CERS1: variants seen among roughly 807,000 people sequenced by gnomAD.
CERS1 encodes the protein Embryonic growth/differentiation factor 1.
In CERS1, 16 loss-of-function variants were observed where a neutral mutation model predicts 35.7. That is an observed-to-expected ratio of 0.45 (90% CI 0.30 to 0.68). The LOEUF is 0.68. Among genes scored for constraint, CERS1 ranks in the 30% least tolerant of loss-of-function variants. The pLI is 0.08. For missense variants in CERS1, 454 were observed against 453.9 expected, an observed-to-expected ratio of 1.00 and a Z score of 0.00; for synonymous variants, 243 against 201.6, an observed-to-expected ratio of 1.21 and a Z score of -1.74.
Position 18,893,469 on chromosome 19 carries a change from A to C in CERS1, c.356T>G (p.Leu119Arg). The C allele has an allele frequency of 6.2e-7, 1 of 1,607,378 alleles. No homozygotes were observed. The highest frequency in any genetic ancestry group is 1.3e-5 in the African/African-American group (1 of 74,966). The change falls in exon 2 of 8, where the codon CTG (leucine) becomes CGG (arginine). Residue 119 changes from leucine (L) to arginine (R), a missense_variant. Physicochemically the swap from Leu to Arg is moderately radical, Grantham distance 102. Transcript: ENST00000623882. ...YLGSWSYSAY[L>R]LFGTDYPFFH... Reference sequence around the variant, plus strand: ...GAAGGGGTAGTCGGTGCCAAACAGCAGGTAGGCACTGTAGCTCCAGCTGCC... The same window carrying C: ...GAAGGGGTAGTCGGTGCCAAACAGCCGGTAGGCACTGTAGCTCCAGCTGCC...
At position 18,896,023 on chromosome 19, in the gene CERS1, G is replaced by C; in HGVS notation, c.50C>G (p.Pro17Arg). 1.0e-6 allele frequency: 1 copy of C among 1,002,998 alleles called. No homozygotes were observed. The highest frequency in any genetic ancestry group is 1.2e-6 in the Non-Finnish European group (1 of 842,586). 62.1% of individuals were successfully genotyped at this position (1,002,998 alleles called of 1,614,324 possible). The change falls in exon 1 of 8, where the codon CCG (proline) becomes CGG (arginine). Residue 17 changes from proline (P) to arginine (R), a missense_variant. By Grantham distance (103) the Pro-to-Arg change is moderately radical. Coordinates refer to ENST00000623882, the MANE Select transcript of CERS1 (RefSeq NM_021267.5). The surrounding 1 kb of genome is among the most constrained non-coding windows in gnomAD (Gnocchi z 5.9). ...GCGCTGCACTAGCTGCGCGTAGCTC[G>C]GCATGGGCTCGGGCCCCGTCGGCCC... ...AAGPTGPEPM[P>R]SYAQLVQRGW...
At chr19:18,875,308 G>C (rs1395809988) in intron 6 of CERS1, among the ~76,000 whole-genome samples, 1 of 151,896 alleles carries the variant, frequency 6.6e-6, no homozygotes, top group Non-Finnish European at 1.5e-5. Flanking sequence ...CAATTTGGGA[G>C]GCTGAGGCAG....
Position 18,878,733 on chromosome 19 carries a change from T to A in CERS1, c.1010+197A>T. 7.2e-7 allele frequency: 1 copy of A among 1,382,570 alleles called. No homozygotes were observed. The highest frequency in any genetic ancestry group is 9.4e-7 in the Non-Finnish European group (1 of 1,065,622). The allele number at this position is 1,382,570 out of a possible 1,614,324, so 85.6% of individuals were successfully genotyped here. Reference sequence around the variant, plus strand: ...GCCCCTCCCCAGCCTCTCCCTCCCCTTCCTCACTGTCCTGTCCTTCAGGGT... The same window carrying A: ...GCCCCTCCCCAGCCTCTCCCTCCCCATCCTCACTGTCCTGTCCTTCAGGGT... On this transcript the variant is annotated intron_variant, in intron 6 of 7. Coordinates refer to ENST00000623882, the MANE Select transcript of CERS1 (RefSeq NM_021267.5). This position sits in a 1 kb window ranked among gnomAD's most constrained non-coding sequence, Gnocchi z 4.6.
intron 6 of CERS1, among the ~76,000 whole-genome samples, chr19:18,872,709 T>TATA (rs370227341): frequency 0.46 from 69,570 of 151,888 alleles, 16,137 homozygotes; most frequent in South Asian, 0.6. Flanking sequence ...AGAGATGCGG[T>TATA]TTTACCATGT....
chr19:18,872,945 G>A (rs1009766433), intron 6 of CERS1, among the ~76,000 whole-genome samples: 10 of 152,308 alleles, frequency 6.6e-5, no homozygotes, highest in East Asian at 1.9e-4. Context: ...CCACCATGCC[G>A]GGCCGAGATG....
intron 3 of CERS1, among the ~76,000 whole-genome samples, chr19:18,881,434 G>C (rs1224644402): frequency 6.6e-6 from 1 of 151,834 alleles, no homozygotes; most frequent in Non-Finnish European, 1.5e-5. Flanking sequence ...TGGTCCCGCT[G>C]ATCTCGAATT....
intron 2 of CERS1, among the ~76,000 whole-genome samples, chr19:18,886,593 C>T (rs1040430583): frequency 3.3e-5 from 5 of 152,084 alleles, no homozygotes; most frequent in African/African-American, 4.8e-5. Flanking sequence ...CAAAAAAAGG[C>T]GGGAAGCCAT....
chr19:18,875,984 G>A (rs1031271065), intron 6 of CERS1, among the ~76,000 whole-genome samples: 3 of 152,240 alleles, frequency 2.0e-5, no homozygotes, highest in Non-Finnish European at 4.4e-5. Flanking sequence ...ATAAGTTCCT[G>A]TGGTTTTAAG....
intron 2 of CERS1, among the ~76,000 whole-genome samples, chr19:18,885,217 T>A (rs1475260281): frequency 6.6e-6 from 1 of 152,120 alleles, no homozygotes; most frequent in Non-Finnish European, 1.5e-5. Context: ...TTATATATAG[T>A]TTTAGAGTTG....
At position 18,878,232 on chromosome 19, in the gene CERS1, A is replaced by G. The variant is rs1052186354; in HGVS notation, c.1010+698T>C. On this transcript the variant is annotated intron_variant, in intron 6 of 7. Coordinates refer to ENST00000623882, the MANE Select transcript of CERS1 (RefSeq NM_021267.5). This position sits in a 1 kb window ranked among gnomAD's most constrained non-coding sequence, Gnocchi z 4.6. ...TCAAACACTCCTCACGTTGCCTATG[A>G]GACACTGCACACCCGACTCTGCTTG... 1.0e-6 allele frequency: 1 copy of G among 985,446 alleles called. No individual in the cohort carries two copies. 61.0% of individuals were successfully genotyped at this position (985,446 alleles called of 1,614,324 possible).
chr19:18,876,379 G>C (rs113073123), intron 6 of CERS1, among the ~76,000 whole-genome samples: 47 of 152,156 alleles, frequency 3.1e-4, no homozygotes, highest in African/African-American at 1.0e-3. Flanking sequence ...TTGAGACAGG[G>C]TCTTGCTCTG....
intron 4 of CERS1, among the ~76,000 whole-genome samples, chr19:18,879,700 A>C (rs1223622656): frequency 0.012 from 89 of 7,426 alleles, no homozygotes; most frequent in Admixed American, 0.019. Flanking sequence ...ACCAAACCCC[A>C]CCTCCTTCCC....
Position 18,870,635 on chromosome 19 carries a change from G to C in CERS1, c.1011-16C>G. 1.8e-6 allele frequency: 1 copy of C among 556,742 alleles called. No individual in the cohort carries two copies. Among genetic ancestry groups the C allele is most frequent in the Non-Finnish European group, 3.2e-6 (1 of 307,824 alleles). 34.5% of individuals were successfully genotyped at this position (556,742 alleles called of 1,614,324 possible). ...CAGTGGCTTCCTGGGGGTCAGAACC[G>C]GCGCAGGTTAGCCTGGGAGCCCCAC... On this transcript the variant is annotated splice_polypyrimidine_tract_variant and intron_variant, in intron 6 of 7. Coordinates refer to ENST00000623882, the MANE Select transcript of CERS1 (RefSeq NM_021267.5). This position sits in a 1 kb window ranked among gnomAD's most constrained non-coding sequence, Gnocchi z 5.1.
At chr19:18,890,083 C>T (rs2056454815) in intron 2 of CERS1, among the ~76,000 whole-genome samples, 1 of 152,186 alleles carries the variant, frequency 6.6e-6, no homozygotes, top group Admixed American at 6.5e-5. Flanking sequence ...TCCCAGCCCA[C>T]AGATAAGTAA....
At chr19:18,879,459 G>A (rs985158622) in intron 4 of CERS1, 71 bp from the exon 5 acceptor site, 32 of 1,508,846 alleles carry the variant, frequency 2.1e-5, no homozygotes, top group Middle Eastern at 1.9e-4. Flanking sequence ...GTCCTATCCC[G>A]TCCTAGACCC....
intron 6 of CERS1, among the ~76,000 whole-genome samples, chr19:18,877,251 G>A (rs1028201092): frequency 5.9e-5 from 9 of 152,294 alleles, no homozygotes; most frequent in Admixed American, 1.3e-4. Flanking sequence ...CATCCTCAGC[G>A]GGGACAGAGC....
Position 18,895,902 on chromosome 19 carries a change from C to T in CERS1, c.171G>A (p.Pro57=), listed in dbSNP as rs1165273715. 10 of 1,257,842 alleles carry T rather than the reference C, an allele frequency of 8.0e-6. No individual in the cohort carries two copies. Among genetic ancestry groups the T allele is most frequent in the Non-Finnish European group, 1.0e-5 (10 of 1,001,034 alleles). The allele number at this position is 1,257,842 out of a possible 1,614,324, so 77.9% of individuals were successfully genotyped here. A position where few individuals can be genotyped will look rare whatever the true frequency, so the allele number is the denominator to read the frequency against. Residue 57 remains proline (P), a synonymous_variant, in exon 1 of 8, where the codon CCG becomes CCA. Coordinates refer to ENST00000623882, the MANE Select transcript of CERS1 (RefSeq NM_021267.5). This position sits in a 1 kb window ranked among gnomAD's most constrained non-coding sequence, Gnocchi z 6.4. ...CGAGCGCCAGCAGCAGCAGCTCGGGCGGCGCCAGGTGCGCGTGCTCAGCCA... is the reference window on the plus strand; with the variant it reads ...CGAGCGCCAGCAGCAGCAGCTCGGGTGGCGCCAGGTGCGCGTGCTCAGCCA... ...RGLAEHAHLA[P]PELLLLALGA... is the part of the protein sequence containing the mutation.
intron 2 of CERS1, among the ~76,000 whole-genome samples, chr19:18,891,887 ATTCTC>A (rs1304630213): frequency 7.2e-6 from 1 of 138,548 alleles, no homozygotes; most frequent in Non-Finnish European, 1.5e-5. Flanking sequence ...CCCACTTCTC[ATTCTC>A]ATCTTTTTTT....
intron 6 of CERS1, among the ~76,000 whole-genome samples, chr19:18,876,738 T>C (rs1162068952): frequency 1.3e-5 from 2 of 152,068 alleles, no homozygotes; most frequent in Non-Finnish European, 2.9e-5. Flanking sequence ...ACAAAGGGAG[T>C]AGAGGGAGCT....
Sources: allele counts gnomAD v4.1 joint callset (sites outside exome capture counted in the v4.1 genomes callset), GRCh38; gene constraint gnomAD v4.1.1; non-coding constraint Gnocchi (gnomAD v3.1); transcripts MANE v1.5; gene names NCBI Gene and HGNC (gene_info 2026-07-23, HGNC 2026-07-21).